ARSK: variants seen among roughly 807,000 people sequenced by gnomAD.
ARSK encodes the protein arylsulfatase family member K.
Under a neutral mutation model 53.2 loss-of-function variants are expected in ARSK, and 37 were observed. The ratio of observed to expected loss-of-function variants is 0.70; its 90% confidence interval spans 0.54 to 0.92. The LOEUF (loss-of-function observed/expected upper bound fraction) is 0.92, where lower values mean the gene tolerates loss of function less well. Among genes scored for constraint, ARSK ranks in the 40% least tolerant of loss-of-function variants. ARSK has a pLI of 0.00. For synonymous variants in ARSK, 208 were observed against 223.2 expected (o/e 0.93, Z 0.61); for missense variants, 613 against 643.0 (o/e 0.95, Z 0.51).
At chr5:95,594,570 GGTGGCTCACGCCT>G (rs1441974120) in intron 6 of ARSK, among the ~76,000 whole-genome samples, 6 of 152,042 alleles carry the variant, frequency 3.9e-5, no homozygotes, top group African/African-American at 1.4e-4. Context: ...TGCTGGGCAC[GGTGGCTCACGCCT>G]GTAATCCCAA....
intron 1 of ARSK, chr5:95,556,985 G>A (rs1748533537): frequency 1.3e-5 from 2 of 151,618 alleles, no homozygotes; most frequent in Admixed American, 1.3e-4. Flanking sequence ...ACTCCAGCCT[G>A]GGCGACGGAG....
At chr5:95,593,375 T>G (rs1749249517) in intron 6 of ARSK, among the ~76,000 whole-genome samples, 1 of 152,216 alleles carries the variant, frequency 6.6e-6, no homozygotes, top group African/African-American at 2.4e-5. Context: ...AATAGTTAAA[T>G]ATCTTTAGGG....
chr5:95,567,474 G>T (rs1748743639), intron 2 of ARSK, among the ~76,000 whole-genome samples: 1 of 152,220 alleles, frequency 6.6e-6, no homozygotes, highest in Admixed American at 6.5e-5. Flanking sequence ...TGGAAAGCCA[G>T]CAAAAGGACA....
intron 3 of ARSK, among the ~76,000 whole-genome samples, chr5:95,579,577 A>G (rs1426110237): frequency 6.6e-6 from 1 of 152,248 alleles, no homozygotes; most frequent in East Asian, 1.9e-4. Context: ...GGGATCTCCC[A>G]GGAGCTGCTG....
intron 2 of ARSK, among the ~76,000 whole-genome samples, chr5:95,566,428 T>C (rs1257356129): frequency 6.6e-6 from 1 of 152,222 alleles, no homozygotes; most frequent in Non-Finnish European, 1.5e-5. Context: ...AATACTCATA[T>C]TTCCTAGAAG....
intron 6 of ARSK, among the ~76,000 whole-genome samples, chr5:95,598,182 C>A (rs1451778103): frequency 6.6e-6 from 1 of 152,110 alleles, no homozygotes; most frequent in Non-Finnish European, 1.5e-5. Context: ...CATTAAGTCA[C>A]TCTTGCTTAA....
intron 6 of ARSK, among the ~76,000 whole-genome samples, chr5:95,599,193 T>C (rs1749357429): frequency 6.6e-6 from 1 of 152,216 alleles, no homozygotes; most frequent in Admixed American, 6.5e-5. Context: ...AATGGACTCT[T>C]TCCCAGTTTA....
chr5:95,566,135 C>A lies in ARSK; in HGVS notation c.256+8C>A, dbSNP rs1247307274. The A allele has an allele frequency of 1.9e-6, 3 of 1,612,570 alleles. No individual in the cohort carries two copies. In the South Asian group the frequency reaches 3.3e-5, roughly 18 times the overall value. ...GTTGCCCATCACGCGCAGGTATGAACATCCTTAATATGAATGGGAGAAAGT... is the reference window on the plus strand; with the variant it reads ...GTTGCCCATCACGCGCAGGTATGAAAATCCTTAATATGAATGGGAGAAAGT... On this transcript the variant is annotated splice_region_variant and intron_variant, in intron 2 of 7. Coordinates refer to ENST00000380009, the MANE Select transcript of ARSK (RefSeq NM_198150.3).
intron 1 of ARSK, among the ~76,000 whole-genome samples, chr5:95,560,802 C>CTTTTT (rs70978188): frequency 9.2e-6 from 1 of 108,288 alleles, no homozygotes; most frequent in Admixed American, 9.8e-5. Context: ...GGCAAAAGAT[C>CTTTTT]TTTTTTTTTT....
intron 6 of ARSK, among the ~76,000 whole-genome samples, chr5:95,599,951 A>G (rs1749375512): frequency 6.6e-6 from 1 of 152,214 alleles, no homozygotes; most frequent in African/African-American, 2.4e-5. Context: ...TTGAAACCAG[A>G]AAAGGGCTGG....
At chr5:95,567,146 C>T (rs572394367) in intron 2 of ARSK, among the ~76,000 whole-genome samples, 5 of 152,200 alleles carry the variant, frequency 3.3e-5, no homozygotes, top group Admixed American at 6.5e-5. Flanking sequence ...CATTAAATAA[C>T]GAATGAGAAA....
chr5:95,603,177 A>G (rs1580234653), intron 7 of ARSK, 60 bp from the exon 8 acceptor site: 10 of 1,361,612 alleles, frequency 7.3e-6, no homozygotes, highest in East Asian at 4.7e-5. Context: ...TCATAATGAC[A>G]TTCTAAAAAA....
intron 4 of ARSK, among the ~76,000 whole-genome samples, chr5:95,584,746 C>T (rs1229367593): frequency 6.6e-6 from 1 of 152,044 alleles, no homozygotes; most frequent in Non-Finnish European, 1.5e-5. Flanking sequence ...GAATAGGGCT[C>T]ACGCCTGTAA....
In ARSK at chr5:95,555,322, C is replaced by T; in HGVS notation, c.44C>T (p.Ala15Val). ...WVSVVAALAL[A>V]VLAPGAGEQR... ...TCGGTGGTCGCAGCCTTGGCGCTGGCGGTACTGGCCCCCGGAGCAGGGGAG... is the reference window on the plus strand; with the variant it reads ...TCGGTGGTCGCAGCCTTGGCGCTGGTGGTACTGGCCCCCGGAGCAGGGGAG... The change falls in exon 1 of 8, where the codon GCG becomes GTG. Residue 15 changes from alanine to valine, a missense_variant. Physicochemically the swap from Ala to Val is moderately conservative, Grantham distance 64. Transcript: ENST00000380009. This position sits in a 1 kb window ranked among gnomAD's most constrained non-coding sequence, Gnocchi z 4.0. 6.2e-7 allele frequency: 1 copy of T among 1,602,010 alleles called. No homozygotes were observed. Among genetic ancestry groups the T allele is most frequent in the African/African-American group, 1.4e-5 (1 of 73,322 alleles).
chr5:95,586,267 A>T (rs999152107), intron 4 of ARSK, among the ~76,000 whole-genome samples: 2 of 152,118 alleles, frequency 1.3e-5, no homozygotes, highest in African/African-American at 4.8e-5. Flanking sequence ...ACTTTTCTGG[A>T]TTAGCATGTA....
chr5:95,573,933 C>G (rs983172042), intron 3 of ARSK, among the ~76,000 whole-genome samples: 1 of 152,142 alleles, frequency 6.6e-6, no homozygotes, highest in African/African-American at 2.4e-5. Context: ...TATAGTCACC[C>G]TGTTTTATTG....
chr5:95,591,525 T>G lies in ARSK; in HGVS notation c.996T>G (p.Ala332=). 1 of 1,614,162 alleles carries G rather than the reference T, an allele frequency of 6.2e-7. No homozygotes were observed. Among genetic ancestry groups the G allele is most frequent in the Non-Finnish European group, 8.5e-7 (1 of 1,180,010 alleles). ...RQFYKMSMYE[A]SAHVPLLMMG... The stretch of plus-strand genomic sequence containing the variant: ...TTTATAAAATGAGCATGTACGAGGC[T>G]AGTGCACATGTTCCGCTTTTGATGA... The change falls in exon 6 of 8, where the codon GCT becomes GCG. Residue 332 remains alanine, a synonymous_variant. Transcript: ENST00000380009.
intron 3 of ARSK, among the ~76,000 whole-genome samples, chr5:95,574,148 T>C (rs1748883475): frequency 6.6e-6 from 1 of 152,220 alleles, no homozygotes; most frequent in Non-Finnish European, 1.5e-5. Context: ...GACCTCCAGT[T>C]CCATCCATGT....
At chr5:95,558,906 C>T (rs567343700) in intron 1 of ARSK, among the ~76,000 whole-genome samples, 3 of 152,244 alleles carry the variant, frequency 2.0e-5, no homozygotes, top group Admixed American at 6.5e-5. Flanking sequence ...TTTGGGAGAC[C>T]GAGGTGGGTG....
Sources: gnomAD v4.1 joint callset for allele counts (sites outside exome capture counted in the v4.1 genomes callset) on GRCh38, gnomAD v4.1.1 for gene constraint, Gnocchi (gnomAD v3.1) non-coding constraint, MANE v1.5 for transcripts, NCBI Gene and HGNC (gene_info 2026-07-23, HGNC 2026-07-21) for gene names.